The following LRPPRC variants were observed in gnomAD, a reference collection of about 807,000 sequenced individuals.
LRPPRC encodes leucine rich pentatricopeptide repeat containing, also known as leucine-rich PPR motif-containing protein, mitochondrial.
In LRPPRC, 120 loss-of-function variants were observed where a neutral mutation model predicts 180.3. That is an observed-to-expected ratio of 0.67 (90% CI 0.57 to 0.77). LRPPRC has a LOEUF of 0.77. Among genes scored for constraint, LRPPRC ranks in the 30% least tolerant of loss-of-function variants. The pLI, the probability that LRPPRC is intolerant of heterozygous loss-of-function variation, is 0.00. For synonymous variants in LRPPRC, 723 were observed against 600.0 expected (o/e 1.21, Z -3.00); for missense variants, 2,012 against 1,657.2 (o/e 1.21, Z -3.72).
rs1290374030 is a variant in LRPPRC at position 43,887,796 on chromosome 2, A to G, written c.*804T>C. The stretch of plus-strand genomic sequence containing the variant: ...ACAATTAAATACAAACCAATATTTT[A>G]CCCCTTCATAGATGAAATCACATCT... On this transcript the variant is annotated 3_prime_UTR_variant, in exon 38 of 38. Coordinates refer to ENST00000260665, the MANE Select transcript of LRPPRC (RefSeq NM_133259.4). 11 of 152,222 alleles carry G rather than the reference A, an allele frequency of 7.2e-5. No homozygotes were observed. Among genetic ancestry groups the G allele is most frequent in the African/African-American group, 4.8e-5 (2 of 41,452 alleles). The allele number at this position is 152,222 out of a possible 1,614,324, so 9.4% of individuals were successfully genotyped here.
chr2:43,928,175 C>CT (rs1190478010), intron 25 of LRPPRC, among the ~76,000 whole-genome samples: 3 of 152,166 alleles, frequency 2.0e-5, no homozygotes, highest in African/African-American at 7.2e-5. Flanking sequence ...CAAACCACAA[C>CT]TTTCTGCAGT....
Position 43,979,654 on chromosome 2 carries a change from T to C in LRPPRC, c.469+172A>G, listed in dbSNP as rs1010778118. On this transcript the variant is annotated intron_variant, in intron 3 of 37. Transcript: ENST00000260665. The stretch of plus-strand genomic sequence containing the variant: ...ACTTGTTATGAAAAATTATTTATTG[T>C]TAATGACCCTAGATGTCACTATACC... 4.6e-5 allele frequency among the ~76,000 whole-genome samples: 7 copies of C among 152,212 alleles called. No individual in the cohort carries two copies. In the East Asian group the frequency reaches 9.6e-4, roughly 21 times the overall value.
At position 43,896,908 on chromosome 2, in the gene LRPPRC, C is replaced by G. The variant is rs3795858; in HGVS notation, c.3826-200G>C. ...TATGCCAAGCTTTGGTGAATGCTGT[C>G]CTTGGCATTGCAAGTATAAAGTTTG... On this transcript the variant is annotated intron_variant, in intron 34 of 37. Coordinates refer to ENST00000260665, the MANE Select transcript of LRPPRC (RefSeq NM_133259.4). Among the ~76,000 whole-genome samples, 724 of 152,152 alleles carry G rather than the reference C, an allele frequency of 4.8e-3. 38 individuals are homozygous for G. In the East Asian group the frequency reaches 0.11, roughly 23 times the overall value.
rs762571936 is a variant in LRPPRC at position 43,889,704 on chromosome 2, A to AT, written c.4128+29dup. The AT allele has an allele frequency of 1.5e-5, 24 of 1,562,914 alleles. No individual in the cohort carries two copies. In the East Asian group the frequency reaches 2.9e-4, roughly 19 times the overall value. ...GAAGTGCACATAAATCTGCAGAGGT[A>AT]TTTTTTCCCCTTAATTAAGAAATAC... On this transcript the variant is annotated intron_variant, in intron 37 of 37. Coordinates refer to ENST00000260665, the MANE Select transcript of LRPPRC (RefSeq NM_133259.4).
intron 31 of LRPPRC, chr2:43,901,794 G>C: frequency 7.4e-6 from 3 of 404,640 alleles, no homozygotes; most frequent in South Asian, 3.0e-5. Flanking sequence ...GTTCCATTTA[G>C]GGATAACATT....
At chr2:43,972,526 T>G (rs1055932023) in intron 11 of LRPPRC, among the ~76,000 whole-genome samples, 1 of 152,214 alleles carries the variant, frequency 6.6e-6, no homozygotes, top group Non-Finnish European at 1.5e-5. Flanking sequence ...TTTGATGGAA[T>G]GATGTAAACT....
intron 13 of LRPPRC, among the ~76,000 whole-genome samples, chr2:43,959,448 T>C (rs112948773): frequency 6.6e-6 from 1 of 152,200 alleles, no homozygotes; most frequent in African/African-American, 2.4e-5. Flanking sequence ...AATATAACAT[T>C]AATGAGAGCT....
chr2:43,946,384 C>A, intron 20 of LRPPRC, 141 bp from the exon 21 acceptor site: 1 of 677,582 alleles, frequency 1.5e-6, no homozygotes, highest in South Asian at 1.6e-5. Context: ...CCTGACTCTG[C>A]CCCTTGATAT....
Position 43,949,640 on chromosome 2 carries a change from T to C in LRPPRC, c.1697A>G (p.Lys566Arg). The change falls in exon 16 of 38, where the codon AAG becomes AGG. Residue 566 changes from lysine (K) to arginine (R), a missense_variant. Coordinates refer to ENST00000260665, the MANE Select transcript of LRPPRC (RefSeq NM_133259.4). Reference protein sequence around the residue: ...LWSEITELLYKDGRYCQEPRG... With the variant: ...LWSEITELLYRDGRYCQEPRG... The stretch of plus-strand genomic sequence containing the variant: ...AGGCTCCTGGCAATAACGTCCATCC[T>C]TGTACAACAATTCTGTTATCTGGTA... 1.9e-6 allele frequency: 3 copies of C among 1,613,926 alleles called. No individual in the cohort carries two copies. Among genetic ancestry groups the C allele is most frequent in the African/African-American group, 1.3e-5 (1 of 75,068 alleles).
Position 43,898,082 on chromosome 2 carries a change from A to AAC in LRPPRC, c.3825+1136_3825+1137insGT, listed in dbSNP as rs1553390794. On this transcript the variant is annotated intron_variant, in intron 34 of 37. Transcript: ENST00000260665. ...CTTTTCCTTAAAATTAAAAAAAAAA[A>AAC]AAAAAACAAAGGAAAAAAAGTAAAC... Among the ~76,000 whole-genome samples the AAC allele has an allele frequency of 1.3e-4, 19 of 151,114 alleles. No homozygotes were observed. In the East Asian group the frequency reaches 3.7e-3, roughly 29 times the overall value.
At chr2:43,918,660 C>G (rs4953036) in intron 27 of LRPPRC, among the ~76,000 whole-genome samples, 1 of 151,522 alleles carries the variant, frequency 6.6e-6, no homozygotes, top group South Asian at 2.1e-4. Flanking sequence ...CACTTCCAAT[C>G]ATGTTGATAA....
chr2:43,987,965 C>T (rs1396213298), intron 1 of LRPPRC, among the ~76,000 whole-genome samples: 1 of 152,014 alleles, frequency 6.6e-6, no homozygotes. Context: ...AACAACGGGC[C>T]AGGCACGGTA....
chr2:43,889,322 A>AAATC (rs2104969144), intron 37 of LRPPRC, among the ~76,000 whole-genome samples: 1 of 149,928 alleles, frequency 6.7e-6, no homozygotes, highest in African/African-American at 2.4e-5. Flanking sequence ...CTCAAAAAAA[A>AAATC]AAAAAAAAAA....
Position 43,987,962 on chromosome 2 carries a change from G to T in LRPPRC, c.150-5528C>A, listed in dbSNP as rs1674600724. Among the ~76,000 whole-genome samples the T allele has an allele frequency of 1.3e-5, 2 of 152,058 alleles. 1 individual carries two copies. Among genetic ancestry groups the T allele is most frequent in the Admixed American group, 1.3e-4 (2 of 15,264 alleles). On this transcript the variant is annotated intron_variant, in intron 1 of 37. Transcript: ENST00000260665. ...AATGTAATTAAGAAAAGAAACAACG[G>T]GCCAGGCACGGTAGCTCAAGCCTGT...
chr2:43,977,604 A>G (rs1001390610), intron 3 of LRPPRC, among the ~76,000 whole-genome samples: 3 of 152,202 alleles, frequency 2.0e-5, no homozygotes, highest in East Asian at 3.8e-4. Context: ...AGATTTTTCT[A>G]TATAAAGCAG....
Position 43,919,218 on chromosome 2 carries a change from A to G in LRPPRC, c.2897-820T>C, listed in dbSNP as rs527558170. On this transcript the variant is annotated intron_variant, in intron 27 of 37. Transcript: ENST00000260665. ...CTAATGCCTGATGATGTGAGGTGGA[A>G]CAGTTTCATCCCCAAACCATCCCCA... is the stretch of plus-strand genomic sequence containing the variant. Among the ~76,000 whole-genome samples, 5 of 152,294 alleles carry G rather than the reference A, an allele frequency of 3.3e-5. No homozygotes were observed. In the South Asian group the frequency reaches 1.0e-3, roughly 32 times the overall value.
At chr2:43,933,883 C>A (rs990135807) in intron 25 of LRPPRC, among the ~76,000 whole-genome samples, 3 of 152,034 alleles carry the variant, frequency 2.0e-5, no homozygotes, top group African/African-American at 7.2e-5. Flanking sequence ...AACTTTACAC[C>A]CAGGAATGCC....
intron 13 of LRPPRC, chr2:43,959,142 C>A: frequency 1.4e-6 from 1 of 699,208 alleles, no homozygotes; most frequent in Admixed American, 2.1e-5. Context: ...AAGGAAAAGG[C>A]AGCTCTCATG....
At chr2:43,955,052 G>C (rs967227249) in intron 14 of LRPPRC, among the ~76,000 whole-genome samples, 6 of 152,134 alleles carry the variant, frequency 3.9e-5, no homozygotes, top group Admixed American at 6.5e-5. Context: ...GGTTTTTATA[G>C]GGAGAGGGAA....
Sources: allele counts gnomAD v4.1 joint callset (sites outside exome capture counted in the v4.1 genomes callset), GRCh38; gene constraint gnomAD v4.1.1; transcripts MANE v1.5; gene names NCBI Gene and HGNC (gene_info 2026-07-23, HGNC 2026-07-21).